MDGA2: variants seen among roughly 807,000 people sequenced by gnomAD.
The protein encoded by MDGA2 is MAM domain-containing glycosylphosphatidylinositol anchor protein 2.
Under a neutral mutation model 117.8 loss-of-function variants are expected in MDGA2, and 40 were observed. The ratio of observed to expected loss-of-function variants is 0.34; its 90% CI spans 0.26 to 0.44. MDGA2 has a LOEUF of 0.44. Among genes scored for constraint, MDGA2 ranks in the 20% least tolerant of loss-of-function variants. The probability of loss-of-function intolerance (pLI) is 1.00; values close to 1 mark genes in which losing one functional copy is unlikely to be tolerated. For missense variants in MDGA2, 1,123 were observed against 1,250.6 expected (o/e 0.90, Z 1.54); for synonymous variants, 452 against 439.0 (o/e 1.03, Z -0.37).
At chr14:47,540,340 T>C (rs1394780485) in intron 1 of MDGA2, among the ~76,000 whole-genome samples, 1 of 151,828 alleles carries the variant, frequency 6.6e-6, no homozygotes, top group East Asian at 2.0e-4. Context: ...GTGACTCAAG[T>C]GGTACTTCCA....
intron 6 of MDGA2, among the ~76,000 whole-genome samples, chr14:47,086,637 C>T (rs1018675365): frequency 6.6e-6 from 1 of 151,694 alleles, no homozygotes; most frequent in East Asian, 1.9e-4. Context: ...AAATAATTAT[C>T]AATAGTTTCT....
At chr14:47,656,172 T>G (rs1897740172) in intron 1 of MDGA2, among the ~76,000 whole-genome samples, 1 of 152,160 alleles carries the variant, frequency 6.6e-6, no homozygotes, top group Non-Finnish European at 1.5e-5. Flanking sequence ...TAAGATCAAG[T>G]AGGTCCTGTA....
chr14:46,954,132 T>C (rs1160172155), intron 9 of MDGA2, among the ~76,000 whole-genome samples: 1 of 151,972 alleles, frequency 6.6e-6, no homozygotes, highest in African/African-American at 2.4e-5. Context: ...CGCAGGTTGA[T>C]TTTCCTCATT....
At chr14:47,312,686 TTGTTTTG>T (rs796298692) in intron 1 of MDGA2, among the ~76,000 whole-genome samples, 4 of 92,648 alleles carry the variant, frequency 4.3e-5, no homozygotes, top group Non-Finnish European at 9.4e-5. Flanking sequence ...AGTTTTTTTT[TTGTTTTG>T]TTTTGTTTTT....
chr14:46,924,888 T>G (rs1395430303), intron 9 of MDGA2, among the ~76,000 whole-genome samples: 1 of 152,116 alleles, frequency 6.6e-6, no homozygotes, highest in African/African-American at 2.4e-5. Flanking sequence ...AATAAGAGTT[T>G]GGGGAGAAAA....
intron 2 of MDGA2, among the ~76,000 whole-genome samples, chr14:47,234,184 G>A (rs1317047427): frequency 1.3e-5 from 2 of 151,032 alleles, no homozygotes; most frequent in Admixed American, 1.3e-4. Context: ...ATATGTGTGT[G>A]CATATATGCT....
At chr14:46,945,321 T>C (rs1021314590) in intron 9 of MDGA2, among the ~76,000 whole-genome samples, 3 of 152,144 alleles carry the variant, frequency 2.0e-5, no homozygotes, top group African/African-American at 7.2e-5. Flanking sequence ...AATAAGTCTT[T>C]ACTCTGACAT....
chr14:47,302,316 G>A (rs2416039), intron 1 of MDGA2, among the ~76,000 whole-genome samples: 3,005 of 152,294 alleles, frequency 0.02, 47 homozygotes, highest in Non-Finnish European at 0.032. Context: ...AGTCATGAGA[G>A]AAGTACTTAG....
intron 1 of MDGA2, among the ~76,000 whole-genome samples, chr14:47,414,720 T>C (rs921318969): frequency 6.6e-6 from 1 of 152,140 alleles, no homozygotes; most frequent in Admixed American, 6.6e-5. Context: ...TATATATCAC[T>C]ACTATGTTGA....
intron 1 of MDGA2, among the ~76,000 whole-genome samples, chr14:47,392,944 C>T (rs1891929626): frequency 6.6e-6 from 1 of 151,932 alleles, no homozygotes; most frequent in Non-Finnish European, 1.5e-5. Context: ...ATGAGCCAAG[C>T]ACATTCTGGC....
chr14:47,224,757 G>A (rs1390578149), intron 2 of MDGA2, among the ~76,000 whole-genome samples: 1 of 152,160 alleles, frequency 6.6e-6, no homozygotes, highest in Non-Finnish European at 1.5e-5. Context: ...AGGTTACAGA[G>A]TGCCAGCCTG....
At chr14:47,434,424 G>T (rs1286164568) in intron 1 of MDGA2, among the ~76,000 whole-genome samples, 2 of 151,994 alleles carry the variant, frequency 1.3e-5, no homozygotes, top group Non-Finnish European at 2.9e-5. Context: ...GTGAAACTTT[G>T]TCTTTTGAGT....
At chr14:47,154,208 A>T (rs573175663) in intron 3 of MDGA2, among the ~76,000 whole-genome samples, 1 of 152,338 alleles carries the variant, frequency 6.6e-6, no homozygotes, top group South Asian at 2.1e-4. Context: ...ATAAAACATA[A>T]GGAGCATTAG....
intron 1 of MDGA2, among the ~76,000 whole-genome samples, chr14:47,654,149 G>A (rs1237373947): frequency 6.6e-6 from 1 of 152,100 alleles, no homozygotes; most frequent in East Asian, 1.9e-4. Context: ...TTAGGTTCAG[G>A]TACAGAACTT....
intron 1 of MDGA2, among the ~76,000 whole-genome samples, chr14:47,376,982 G>T (rs1044201815): frequency 6.6e-6 from 1 of 152,096 alleles, no homozygotes; most frequent in Non-Finnish European, 1.5e-5. Flanking sequence ...TAAAGAACTT[G>T]TTAAAGAAAA....
chr14:46,946,646 G>A (rs1250920663), intron 9 of MDGA2, among the ~76,000 whole-genome samples: 1 of 152,016 alleles, frequency 6.6e-6, no homozygotes, highest in Non-Finnish European at 1.5e-5. Flanking sequence ...TAATTTCTGG[G>A]TTTGACAATA....
intron 9 of MDGA2, among the ~76,000 whole-genome samples, chr14:46,950,475 G>T (rs17117792): frequency 0.12 from 17,842 of 151,928 alleles, 2,005 homozygotes; most frequent in African/African-American, 0.27. Context: ...GTACATAGAA[G>T]TGATATCATT....
intron 1 of MDGA2, among the ~76,000 whole-genome samples, chr14:47,665,813 C>CT (rs1897940567): frequency 3.0e-4 from 3 of 9,928 alleles, no homozygotes; most frequent in African/African-American, 3.8e-4. Context: ...CTCGCCCCCC[C>CT]TCCCCCCCGC....
At chr14:47,550,363 G>A (rs1287100280) in intron 1 of MDGA2, among the ~76,000 whole-genome samples, 1 of 152,162 alleles carries the variant, frequency 6.6e-6, no homozygotes, top group African/African-American at 2.4e-5. Context: ...TGTGGCTATA[G>A]GATACAGTAC....
Sources: allele counts gnomAD v4.1 joint callset (sites outside exome capture counted in the v4.1 genomes callset), GRCh38; gene constraint gnomAD v4.1.1; transcripts MANE v1.5; gene names NCBI Gene and HGNC (gene_info 2026-07-23, HGNC 2026-07-21).